Variants in DGKH observed in about 807,000 individuals in gnomAD.
The protein encoded by DGKH is DAG kinase eta.
DGKH carries 90 observed loss-of-function variants against 159.3 expected under a neutral mutation model. That is an observed-to-expected ratio of 0.57 (90% CI 0.48 to 0.67). The LOEUF (loss-of-function observed/expected upper bound fraction) is 0.67, where lower values mean the gene tolerates loss of function less well. DGKH is among the 30% of genes least tolerant of loss of function. The probability of loss-of-function intolerance (pLI) is 0.00; values close to 1 mark genes in which losing one functional copy is unlikely to be tolerated. For synonymous variants in DGKH, 536 were observed against 553.8 expected, an observed-to-expected ratio of 0.97 and a Z score of 0.45; for missense variants, 1,181 against 1,506.1, an observed-to-expected ratio of 0.78 and a Z score of 3.57.
chr13:42,059,409 C>T (rs187970208), intron 1 of DGKH, among the ~76,000 whole-genome samples: 24 of 152,102 alleles, frequency 1.6e-4, no homozygotes, highest in Non-Finnish European at 2.6e-4. Context: ...GCCACTGTGT[C>T]CTGCTAATTA....
Position 42,069,596 on chromosome 13 carries a change from A to G in DGKH, c.192+20631A>G. 1.2e-5 allele frequency: 18 copies of G among 1,508,168 alleles called. No homozygotes were observed. The South Asian group carries it at 2.1e-4, about 18-fold the overall frequency. The allele number at this position is 1,508,168 out of a possible 1,614,324, so 93.4% of individuals were successfully genotyped here. ...TCTAGCGCTATCTGGGCTTTAACCA[A>G]TCCATTCCTTTCACATTTTGATTTT... On this transcript the variant is annotated intron_variant, in intron 1 of 29. Transcript: ENST00000337343.
chr13:42,168,845 A>G lies in DGKH; in HGVS notation c.1367+27A>G. 1.9e-6 allele frequency: 3 copies of G among 1,597,378 alleles called. No homozygotes were observed. The South Asian group carries it at 3.5e-5, about 18-fold the overall frequency. On this transcript the variant is annotated intron_variant, in intron 11 of 29. Transcript: ENST00000337343. ...TAAAAGTAAATTCTTTTCTACAACT[A>G]GATGGAAAATGGCATACTGAAATCA...
intron 1 of DGKH, among the ~76,000 whole-genome samples, chr13:42,098,228 T>C (rs991769164): frequency 5.3e-5 from 8 of 152,234 alleles, no homozygotes; most frequent in African/African-American, 1.9e-4. Context: ...GCCTCATGCC[T>C]GTAATCCCAG....
At chr13:42,110,587 A>ATTCAT (rs1954844377) in intron 1 of DGKH, among the ~76,000 whole-genome samples, 2 of 150,880 alleles carry the variant, frequency 1.3e-5, no homozygotes, top group Non-Finnish European at 2.9e-5. Flanking sequence ...TTGAAGGATA[A>ATTCAT]TCATTCATTC....
chr13:42,215,458 G>T (rs1405591262), intron 25 of DGKH, 117 bp from the exon 26 acceptor site: 11 of 709,324 alleles, frequency 1.6e-5, no homozygotes, highest in South Asian at 5.8e-5. Context: ...ATAGAATTTT[G>T]GTAGATTAAA....
In DGKH at chr13:42,206,140, G is replaced by C; in HGVS notation, c.2595G>C (p.Glu865Asp). Residue 865 changes from glutamate to aspartate, a missense_variant, in exon 21 of 30, where the codon GAG (glutamate) becomes GAC (aspartate). By Grantham distance (45) the Glu-to-Asp change is conservative. Around this residue, in one of 5 missense-constraint regions of DGKH, gnomAD observed 335 missense variants for 495.2 expected, o/e 0.68. Coordinates refer to ENST00000337343, the MANE Select transcript of DGKH (RefSeq NM_178009.5). ...CTAACTTTTGGGGTGGAACTAAAGA[G>C]GATGATGTAAGTAATGGGAGTAAAT... Reference protein sequence around the residue: ...GGTNFWGGTKEDDIFAAPSFD... With the variant: ...GGTNFWGGTKDDDIFAAPSFD... 1 of 1,420,736 alleles carries C rather than the reference G, an allele frequency of 7.0e-7. No homozygotes were observed. Among genetic ancestry groups the C allele is most frequent in the Non-Finnish European group, 9.3e-7 (1 of 1,078,032 alleles). The allele number at this position is 1,420,736 out of a possible 1,614,324, so 88.0% of individuals were successfully genotyped here.
At chr13:42,182,922 A>C (rs990826740) in intron 13 of DGKH, among the ~76,000 whole-genome samples, 1 of 147,348 alleles carries the variant, frequency 6.8e-6, no homozygotes, top group African/African-American at 2.5e-5. Flanking sequence ...AAAAAAAAAA[A>C]CCACACACAC....
At position 42,248,485 on chromosome 13, in the gene DGKH, TTA is replaced by T. The variant is rs3039022; in HGVS notation, n.4055-3915_4055-3914del. 3.9e-3 allele frequency among the ~76,000 whole-genome samples: 570 copies of T among 147,052 alleles called. 6 individuals are homozygous for T. The East Asian group carries it at 0.04, about 10-fold the overall frequency. The stretch of plus-strand genomic sequence containing the variant: ...TATAATATATAATTTATATATAATA[TTA>T]TATATATAATTTATAATTAAATAAT... On this transcript the variant is annotated intron_variant and non_coding_transcript_variant, in intron 29 of 30. Coordinates refer to the DGKH transcript ENST00000498255.
chr13:42,256,142 A>T, intron 30 of DGKH: 3 of 1,179,026 alleles, frequency 2.5e-6, no homozygotes, highest in Non-Finnish European at 3.8e-6. Flanking sequence ...TGAAGCAATG[A>T]CCATGGTTGT....
chr13:42,186,834 T>C (rs1956940318), intron 13 of DGKH, among the ~76,000 whole-genome samples: 1 of 152,356 alleles, frequency 6.6e-6, no homozygotes, highest in South Asian at 2.1e-4. Context: ...ATTTAAGTAA[T>C]ATACAGCAAG....
chr13:42,145,357 G>A (rs2137906413), intron 3 of DGKH, among the ~76,000 whole-genome samples: 1 of 152,250 alleles, frequency 6.6e-6, no homozygotes, highest in South Asian at 2.1e-4. Context: ...TTATTTTTTA[G>A]TTGTTTATTT....
At chr13:42,075,035 TAAA>T (rs1323585240) in intron 1 of DGKH, among the ~76,000 whole-genome samples, 1 of 152,214 alleles carries the variant, frequency 6.6e-6, no homozygotes, top group Non-Finnish European at 1.5e-5. Context: ...TGTGTGATAA[TAAA>T]GGAGTTATGT....
chr13:42,111,978 C>T (rs1352904531), intron 1 of DGKH, among the ~76,000 whole-genome samples: 2 of 152,168 alleles, frequency 1.3e-5, no homozygotes, highest in Non-Finnish European at 2.9e-5. Flanking sequence ...AGAGCGAGCG[C>T]TTCACTGGGC....
At chr13:42,129,740 T>G in intron 3 of DGKH, 108 bp downstream of exon 3, 1 of 954,558 alleles carries the variant, frequency 1.0e-6, no homozygotes. Context: ...CTTATGCATG[T>G]TGGAGTTCCT....
At chr13:42,065,403 A>G (rs1216755858) in intron 1 of DGKH, among the ~76,000 whole-genome samples, 1 of 152,208 alleles carries the variant, frequency 6.6e-6, no homozygotes, top group Non-Finnish European at 1.5e-5. Flanking sequence ...CATGGATGTC[A>G]CAACAATTTT....
At chr13:42,204,127 G>T (rs1957406502) in intron 20 of DGKH, among the ~76,000 whole-genome samples, 1 of 152,038 alleles carries the variant, frequency 6.6e-6, no homozygotes, top group African/African-American at 2.4e-5. Flanking sequence ...CAAATAAAGT[G>T]CATCCATTTG....
At chr13:42,087,044 AACACACACACACAC>A (rs71298957) in intron 1 of DGKH, among the ~76,000 whole-genome samples, 10 of 140,088 alleles carry the variant, frequency 7.1e-5, no homozygotes, top group Admixed American at 7.1e-5. Flanking sequence ...CCAGAAGGAA[AACACACACACACAC>A]ACACACACAC....
chr13:42,045,790 A>G (rs191601591), upstream of DGKH, among the ~76,000 whole-genome samples: 39 of 152,344 alleles, frequency 2.6e-4, no homozygotes, highest in African/African-American at 8.9e-4. Flanking sequence ...ATGGCGTAAT[A>G]TTTAAGATAA....
intron 24 of DGKH, among the ~76,000 whole-genome samples, chr13:42,211,270 G>A (rs1029546788): frequency 2.0e-5 from 3 of 152,308 alleles, no homozygotes; most frequent in South Asian, 4.1e-4. Context: ...ACCGAATGGG[G>A]CTAATAAGAG....
Sources: allele counts gnomAD v4.1 joint callset (sites outside exome capture counted in the v4.1 genomes callset), GRCh38; gene constraint gnomAD v4.1.1; regional missense constraint gnomAD v4.1.1; transcripts MANE v1.5; gene names NCBI Gene and HGNC (gene_info 2026-07-23, HGNC 2026-07-21).